UBE2K: variants seen among roughly 807,000 people sequenced by gnomAD.
UBE2K encodes ubiquitin-conjugating enzyme E2 K.
In UBE2K, 6 loss-of-function variants were observed where a neutral mutation model predicts 30.0. The ratio of observed to expected loss-of-function variants is 0.20; its 90% CI spans 0.11 to 0.39. UBE2K has a LOEUF of 0.39. Among genes scored for constraint, UBE2K ranks in the 10% least tolerant of loss-of-function variants. The probability of loss-of-function intolerance (pLI) is 1.00; values close to 1 mark genes in which losing one functional copy is unlikely to be tolerated. For synonymous variants in UBE2K, 86 were observed against 83.7 expected, an observed-to-expected ratio of 1.03 and a Z score of -0.15; for missense variants, 61 against 241.6, an observed-to-expected ratio of 0.25 and a Z score of 4.96.
chr4:39,737,964 G>A (rs1321923287), intron 2 of UBE2K, among the ~76,000 whole-genome samples: 2 of 152,052 alleles, frequency 1.3e-5, no homozygotes, highest in Non-Finnish European at 2.9e-5. Context: ...TAGTCCAAAT[G>A]TTTATTTTCT....
intron 1 of UBE2K, among the ~76,000 whole-genome samples, chr4:39,727,187 A>G (rs1436767896): frequency 6.6e-6 from 1 of 152,196 alleles, no homozygotes; most frequent in Non-Finnish European, 1.5e-5. Flanking sequence ...TTATGTCACA[A>G]GCAGTCTTAG....
At chr4:39,776,138 A>G (rs1250534697) in intron 5 of UBE2K, among the ~76,000 whole-genome samples, 1 of 152,194 alleles carries the variant, frequency 6.6e-6, no homozygotes, top group Admixed American at 6.5e-5. Flanking sequence ...ATGATACTGC[A>G]TTCAGTTTTG....
At chr4:39,759,193 G>A (rs917000462) in intron 4 of UBE2K, among the ~76,000 whole-genome samples, 1 of 151,994 alleles carries the variant, frequency 6.6e-6, no homozygotes, top group Non-Finnish European at 1.5e-5. Context: ...GAAAATAATT[G>A]GTTAATCTTG....
intron 4 of UBE2K, among the ~76,000 whole-genome samples, chr4:39,764,587 C>T (rs1264743523): frequency 3.3e-5 from 5 of 152,076 alleles, no homozygotes; most frequent in Admixed American, 3.3e-4. Context: ...TGCACACCAC[C>T]ATGCCTGGCT....
chr4:39,778,097 CAAAAAAAAAAAAAA>C lies in UBE2K; in HGVS notation c.529-250_529-237del, dbSNP rs36215155. On this transcript the variant is annotated intron_variant, in intron 6 of 6. Transcript: ENST00000261427. ...TTGGTGATAGAGCAAGACCCTGTCT[CAAAAAAAAAAAAAA>C]AAAAAAAAAAAAGGAAAATAAGAGA... Among the ~76,000 whole-genome samples the C allele has an allele frequency of 4.5e-3, 231 of 51,770 alleles. 1 individual carries two copies. Among genetic ancestry groups the C allele is most frequent in the African/African-American group, 8.1e-3 (104 of 12,856 alleles). 34.0% of individuals were successfully genotyped at this position (51,770 alleles called of 152,430 possible).
chr4:39,722,117 TC>T (rs1719452908), intron 1 of UBE2K, among the ~76,000 whole-genome samples: 1 of 152,128 alleles, frequency 6.6e-6, no homozygotes, highest in Admixed American at 6.6e-5. Flanking sequence ...CTTCTATTTT[TC>T]AGTTGACTTA....
chr4:39,757,549 C>T (rs942083785), intron 4 of UBE2K, among the ~76,000 whole-genome samples: 2 of 151,726 alleles, frequency 1.3e-5, no homozygotes, highest in Non-Finnish European at 2.9e-5. Flanking sequence ...GTTTCTTGAT[C>T]TGTATTTCAA....
chr4:39,721,199 T>A (rs2109327219), intron 1 of UBE2K, among the ~76,000 whole-genome samples: 1 of 152,306 alleles, frequency 6.6e-6, no homozygotes, highest in Admixed American at 6.5e-5. Context: ...AAATGAGAGT[T>A]TCTTTAGTAG....
intron 2 of UBE2K, among the ~76,000 whole-genome samples, chr4:39,744,060 G>T (rs887744430): frequency 6.6e-6 from 1 of 152,034 alleles, no homozygotes; most frequent in Non-Finnish European, 1.5e-5. Flanking sequence ...GTGGGGTTTC[G>T]CCATGTTTGC....
chr4:39,775,529 G>A (rs561921025), intron 5 of UBE2K, among the ~76,000 whole-genome samples: 9 of 152,254 alleles, frequency 5.9e-5, no homozygotes, highest in African/African-American at 2.2e-4. Flanking sequence ...GTGGGTGGTG[G>A]ATCACTTGAG....
chr4:39,774,287 C>A (rs1713140931), intron 4 of UBE2K, among the ~76,000 whole-genome samples: 1 of 150,942 alleles, frequency 6.6e-6, no homozygotes. Flanking sequence ...GCCTGAGCGG[C>A]AGAGCAAGAC....
At chr4:39,704,175 G>C (rs1479704634) in intron 1 of UBE2K, among the ~76,000 whole-genome samples, 1 of 151,928 alleles carries the variant, frequency 6.6e-6, no homozygotes, top group East Asian at 1.9e-4. Context: ...AGAATCGTTT[G>C]AGTCTGGGAG....
At chr4:39,729,279 C>T (rs1179146002) in intron 1 of UBE2K, among the ~76,000 whole-genome samples, 1 of 152,084 alleles carries the variant, frequency 6.6e-6, no homozygotes, top group Non-Finnish European at 1.5e-5. Flanking sequence ...TCTTTCCTAT[C>T]TTTCTGACTG....
At chr4:39,754,854 C>T (rs990702288) in intron 3 of UBE2K, among the ~76,000 whole-genome samples, 3 of 152,106 alleles carry the variant, frequency 2.0e-5, no homozygotes, top group African/African-American at 2.4e-5. Context: ...TACTAAGTGT[C>T]AAAGAATATG....
At chr4:39,726,540 A>G (rs456157) in intron 1 of UBE2K, among the ~76,000 whole-genome samples, 47,879 of 114,450 alleles carry the variant, frequency 0.42, 9,365 homozygotes, top group African/African-American at 0.63. Flanking sequence ...TTCGGTAGTT[A>G]TGAACATGTG....
At chr4:39,726,264 G>T (rs1396254380) in intron 1 of UBE2K, among the ~76,000 whole-genome samples, 4 of 152,084 alleles carry the variant, frequency 2.6e-5, no homozygotes, top group African/African-American at 4.8e-5. Context: ...CCAAAGTGCT[G>T]GGATTACAGG....
rs1713419044 is a variant in UBE2K at position 39,778,617 on chromosome 4, C to G, written c.*183C>G. On this transcript the variant is annotated 3_prime_UTR_variant, in exon 7 of 7. Coordinates refer to ENST00000261427, the MANE Select transcript of UBE2K (RefSeq NM_005339.5). Reference sequence around the variant, plus strand: ...TCTGTAAATAAAGCTAATTAAACGTCTGTGTAAATTTAAAAAGGGGAAATA... The same window carrying G: ...TCTGTAAATAAAGCTAATTAAACGTGTGTGTAAATTTAAAAAGGGGAAATA... The G allele has an allele frequency of 4.4e-6, 2 of 453,248 alleles. No individual in the cohort carries two copies. Among genetic ancestry groups the G allele is most frequent in the East Asian group, 3.4e-5 (1 of 29,630 alleles). The allele number at this position is 453,248 out of a possible 1,614,324, so 28.1% of individuals were successfully genotyped here.
chr4:39,771,365 T>A, intron 4 of UBE2K: 4 of 1,612,792 alleles, frequency 2.5e-6, no homozygotes, highest in Non-Finnish European at 3.4e-6. Context: ...GCCCGGAGCT[T>A]GTTCATGTTC....
At chr4:39,761,836 C>T (rs534766448) in intron 4 of UBE2K, among the ~76,000 whole-genome samples, 2 of 151,938 alleles carry the variant, frequency 1.3e-5, no homozygotes, top group South Asian at 2.1e-4. Context: ...TTTATATTAT[C>T]GAAGATACAG....
Sources: gnomAD v4.1 joint callset for allele counts (sites outside exome capture counted in the v4.1 genomes callset) on GRCh38, gnomAD v4.1.1 for gene constraint, MANE v1.5 for transcripts, NCBI Gene and HGNC (gene_info 2026-07-23, HGNC 2026-07-21) for gene names.